Variants in WHRN observed in about 807,000 individuals in gnomAD.
WHRN encodes the protein CASK-interacting protein CIP98.
A neutral mutation model predicts 68.3 loss-of-function variants in WHRN; 41 were observed. The observed-to-expected ratio is 0.60, with a 90% confidence interval of 0.47 to 0.78. The LOEUF is 0.78. Among genes scored for constraint, WHRN ranks in the 30% least tolerant of loss-of-function variants. The pLI is 0.00. For missense variants in WHRN, 1,243 were observed against 1,244.7 expected (o/e 1.00, Z 0.02); for synonymous variants, 560 against 561.3 (o/e 1.00, Z 0.03).
At chr9:114,416,640 C>T (rs1423399066) in intron 7 of WHRN, among the ~76,000 whole-genome samples, 5 of 152,322 alleles carry the variant, frequency 3.3e-5, no homozygotes, top group East Asian at 3.9e-4. Flanking sequence ...GCTTCCTGTA[C>T]GGCCTACAGA....
chr9:114,504,985 C>T lies in WHRN; in HGVS notation c.-184G>A, dbSNP rs1001926686. On this transcript the variant is annotated 5_prime_UTR_variant, in exon 1 of 12. Transcript: ENST00000362057. ...GTCGCGGAGACCGCTGCTAGAGTCCCGGAGGCGCGAAGACGGCGGGGGTCG... is the reference window on the plus strand; with the variant it reads ...GTCGCGGAGACCGCTGCTAGAGTCCTGGAGGCGCGAAGACGGCGGGGGTCG... 15 of 895,360 alleles carry T rather than the reference C, an allele frequency of 1.7e-5. No individual in the cohort carries two copies. Among genetic ancestry groups the T allele is most frequent in the Non-Finnish European group, 2.1e-5 (14 of 671,922 alleles). 55.5% of individuals were successfully genotyped at this position (895,360 alleles called of 1,614,324 possible).
intron 10 of WHRN, 69 bp from the exon 11 acceptor site, chr9:114,403,408 G>T (rs1834809671): frequency 6.2e-7 from 1 of 1,606,356 alleles, no homozygotes; most frequent in South Asian, 1.1e-5. Flanking sequence ...GGCTGGGCCG[G>T]GCCGTGACAC....
rs376359022 is a variant in WHRN at position 114,402,724 on chromosome 9, C to T, written c.*30G>A. 6.2e-7 allele frequency: 1 copy of T among 1,613,002 alleles called. No homozygotes were observed. The highest frequency in any genetic ancestry group is 2.2e-5 in the East Asian group (1 of 44,868). On this transcript the variant is annotated 3_prime_UTR_variant, in exon 12 of 12. Coordinates refer to ENST00000362057, the MANE Select transcript of WHRN (RefSeq NM_015404.4). Reference sequence around the variant, plus strand: ...AAAGGGACTGGGACCAGGGGCTGGGCAGTGGTGGGAGGCCCTCAGGCCTTG... The same window carrying T: ...AAAGGGACTGGGACCAGGGGCTGGGTAGTGGTGGGAGGCCCTCAGGCCTTG...
chr9:114,407,368 G>A (rs528161879), intron 8 of WHRN, among the ~76,000 whole-genome samples: 1 of 152,302 alleles, frequency 6.6e-6, no homozygotes, highest in East Asian at 1.9e-4. Context: ...ACCTCTCTGA[G>A]TGCACCTCTG....
intron 1 of WHRN, among the ~76,000 whole-genome samples, chr9:114,479,411 A>C (rs1589231576): frequency 6.6e-6 from 1 of 152,092 alleles, no homozygotes. Context: ...TGCCCAATGC[A>C]CCCTTTCCCC....
At chr9:114,405,891 T>C (rs746107567) in intron 9 of WHRN, among the ~76,000 whole-genome samples, 8 of 152,250 alleles carry the variant, frequency 5.3e-5, no homozygotes, top group Non-Finnish European at 7.3e-5. Flanking sequence ...CAGCGTCAGC[T>C]GGCCTCCCCA....
chr9:114,459,220 G>A (rs1405393206), intron 3 of WHRN, among the ~76,000 whole-genome samples: 1 of 152,170 alleles, frequency 6.6e-6, no homozygotes, highest in Non-Finnish European at 1.5e-5. Flanking sequence ...CACTTTGGGA[G>A]GCCAAGGCGG....
chr9:114,467,494 G>A (rs1408028953), intron 2 of WHRN, among the ~76,000 whole-genome samples: 2 of 151,960 alleles, frequency 1.3e-5, no homozygotes, highest in Non-Finnish European at 2.9e-5. Flanking sequence ...TGAGACGGGA[G>A]GGTGAGCGAG....
chr9:114,430,255 G>A (rs1564144986), intron 3 of WHRN, among the ~76,000 whole-genome samples: 1 of 152,154 alleles, frequency 6.6e-6, no homozygotes, highest in Non-Finnish European at 1.5e-5. Context: ...TATGAGGCTG[G>A]GGGAAGGTTG....
At chr9:114,447,268 A>G (rs1838908006) in intron 3 of WHRN, among the ~76,000 whole-genome samples, 1 of 152,138 alleles carries the variant, frequency 6.6e-6, no homozygotes, top group Non-Finnish European at 1.5e-5. Context: ...AGGGCCGTGC[A>G]GTGGCCACAG....
At chr9:114,436,611 C>T (rs1401401442) in intron 3 of WHRN, among the ~76,000 whole-genome samples, 1 of 152,082 alleles carries the variant, frequency 6.6e-6, no homozygotes, top group African/African-American at 2.4e-5. Context: ...GGTGGATCAC[C>T]TGAGATCAGG....
At chr9:114,467,119 C>T (rs921379646) in intron 2 of WHRN, among the ~76,000 whole-genome samples, 5 of 150,812 alleles carry the variant, frequency 3.3e-5, no homozygotes, top group Admixed American at 6.6e-5. Context: ...CCTATTTCTC[C>T]TGGGGTCTCC....
chr9:114,404,066 G>A lies in WHRN; in HGVS notation c.2248C>T (p.Leu750Phe), dbSNP rs751455932. Reference protein sequence around the residue: ...ALPQTRTASTLSQLSDSGQTL... With the variant: ...ALPQTRTASTFSQLSDSGQTL... ...TGCCCGCTGTCCGAGAGCTGGGAGA[G>A]CGTAGAGGCTGCTGGAGAGGGGAAA... Residue 750 changes from leucine to phenylalanine, a missense_variant, in exon 10 of 12, where the codon CTC (leucine) becomes TTC (phenylalanine). By Grantham distance (22) the Leu-to-Phe change is conservative. Transcript: ENST00000362057. 13 of 1,613,122 alleles carry A rather than the reference G, an allele frequency of 8.1e-6. No individual in the cohort carries two copies. The South Asian group carries it at 1.2e-4, about 15-fold the overall frequency.
chr9:114,504,080 A>G, intron 1 of WHRN, 104 bp downstream of exon 1: 3 of 1,545,408 alleles, frequency 1.9e-6, no homozygotes, highest in Non-Finnish European at 2.6e-6. Flanking sequence ...AAAGCCCAGA[A>G]AGGCCAAGTG....
intron 9 of WHRN, 28 bp from the exon 10 acceptor site, chr9:114,404,105 CAGCTTATAT>C: frequency 3.7e-6 from 6 of 1,607,702 alleles, no homozygotes; most frequent in Non-Finnish European, 5.1e-6. Context: ...AAGAGAGAAG[CAGCTTATAT>C]AGCTGGGGTC....
intron 1 of WHRN, among the ~76,000 whole-genome samples, chr9:114,490,643 T>C (rs2133300653): frequency 6.6e-6 from 1 of 152,348 alleles, no homozygotes; most frequent in African/African-American, 2.4e-5. Flanking sequence ...ATGCTGCGAA[T>C]GCCGGGATCT....
chr9:114,493,712 G>A (rs1186136234), intron 1 of WHRN, among the ~76,000 whole-genome samples: 1 of 151,988 alleles, frequency 6.6e-6, no homozygotes, highest in Non-Finnish European at 1.5e-5. Context: ...ATAAGAGAGA[G>A]GAAAAAGGAA....
intron 3 of WHRN, among the ~76,000 whole-genome samples, chr9:114,445,011 T>A (rs1273237838): frequency 1.3e-5 from 2 of 151,784 alleles, no homozygotes; most frequent in Non-Finnish European, 2.9e-5. Flanking sequence ...TGAACATACT[T>A]TACTTTTGAA....
chr9:114,411,815 C>T (rs1165517199), intron 7 of WHRN, among the ~76,000 whole-genome samples: 1 of 152,192 alleles, frequency 6.6e-6, no homozygotes, highest in African/African-American at 2.4e-5. Context: ...GTCATCTGAC[C>T]GTTCTACAGA....
Sources: allele counts gnomAD v4.1 joint callset (sites outside exome capture counted in the v4.1 genomes callset), GRCh38; gene constraint gnomAD v4.1.1; transcripts MANE v1.5; gene names NCBI Gene and HGNC (gene_info 2026-07-23, HGNC 2026-07-21).